Variants in GIMAP8 observed in about 807,000 individuals in gnomAD.
GIMAP8 encodes GTPase IMAP family member 8.
A neutral mutation model predicts 35.6 loss-of-function variants in GIMAP8; 29 were observed. The observed-to-expected ratio is 0.81, with a 90% CI of 0.61 to 1.11. GIMAP8 has a LOEUF of 1.11. Among genes scored for constraint, GIMAP8 ranks in the 50% most tolerant of loss-of-function variants. The pLI is 0.00. For synonymous variants in GIMAP8, 335 were observed against 308.7 expected, an observed-to-expected ratio of 1.09 and a Z score of -0.89; for missense variants, 811 against 805.0, an observed-to-expected ratio of 1.01 and a Z score of -0.09.
chr7:150,461,061 A>G (rs550185150), intron 1 of GIMAP8, among the ~76,000 whole-genome samples: 3 of 152,378 alleles, frequency 2.0e-5, no homozygotes, highest in Admixed American at 2.0e-4. Flanking sequence ...GCTCCACACA[A>G]TATCCCATAT....
At chr7:150,464,489 C>T (rs895569017) in intron 1 of GIMAP8, among the ~76,000 whole-genome samples, 2 of 152,078 alleles carry the variant, frequency 1.3e-5, no homozygotes, top group Non-Finnish European at 2.9e-5. Context: ...TGAGACCCAC[C>T]TGGGCAACAT....
chr7:150,466,897 C>T lies in GIMAP8; in HGVS notation c.199C>T (p.Pro67Ser), dbSNP rs370655027. Reference protein sequence around the residue: ...RERKVVVIDTPDLFSSIACAE... With the variant: ...RERKVVVIDTSDLFSSIACAE... ...AAGGAAGGTTGTGGTAATTGACACC[C>T]CTGACCTTTTCTCCTCAATAGCTTG... Residue 67 changes from proline to serine, a missense_variant, in exon 2 of 5, where the codon CCT becomes TCT. Coordinates refer to ENST00000307271, the MANE Select transcript of GIMAP8 (RefSeq NM_175571.4). 2 of 1,614,190 alleles carry T rather than the reference C, an allele frequency of 1.2e-6. No homozygotes were observed. The highest frequency in any genetic ancestry group is 2.2e-5 in the South Asian group (2 of 91,084).
rs1467017473 is a variant in GIMAP8, at chr7:150,478,411, C to G, written c.*631C>G. ...CATAGTCTTCCATTGCTGGCTGTCC[C>G]TGAGGAAACAGACATGAGTCTTGGA... On this transcript the variant is annotated 3_prime_UTR_variant, in exon 5 of 5. Transcript: ENST00000307271. 1 of 152,480 alleles carries G rather than the reference C, an allele frequency of 6.6e-6. No homozygotes were observed. Among genetic ancestry groups the G allele is most frequent in the Non-Finnish European group, 1.5e-5 (1 of 68,280 alleles). The allele number at this position is 152,480 out of a possible 1,614,324, so 9.4% of individuals were successfully genotyped here. A position where few individuals can be genotyped will look rare whatever the true frequency, so the allele number is the denominator to read the frequency against.
intron 3 of GIMAP8, 106 bp from the exon 4 acceptor site, chr7:150,473,906 G>A (rs1406812003): frequency 1.7e-6 from 2 of 1,177,784 alleles, no homozygotes; most frequent in Non-Finnish European, 2.4e-6. Context: ...TTACCGTGTT[G>A]TTGCCATTCT....
At chr7:150,461,376 C>T (rs774489047) in intron 1 of GIMAP8, among the ~76,000 whole-genome samples, 68 of 152,154 alleles carry the variant, frequency 4.5e-4, no homozygotes, top group Non-Finnish European at 3.8e-4. Context: ...TCTCTTTAGC[C>T]CTAATAATAT....
intron 2 of GIMAP8, among the ~76,000 whole-genome samples, chr7:150,469,555 T>A (rs1359730217): frequency 6.6e-6 from 1 of 152,226 alleles, no homozygotes; most frequent in South Asian, 2.1e-4. Context: ...TACAAAGTCG[T>A]TAACAAATGC....
intron 1 of GIMAP8, among the ~76,000 whole-genome samples, chr7:150,459,402 A>G (rs1348153277): frequency 6.6e-6 from 1 of 152,048 alleles, no homozygotes; most frequent in Non-Finnish European, 1.5e-5. Flanking sequence ...CTTTTTTTGG[A>G]ACTAAGACCT....
Position 150,477,194 on chromosome 7 carries a change from A to C in GIMAP8, c.1412A>C (p.Gln471Pro), listed in dbSNP as rs1400654019. The change falls in exon 5 of 5, where the codon CAG (glutamine) becomes CCG (proline). Residue 471 changes from glutamine to proline, a missense_variant. By Grantham distance (76) the Gln-to-Pro change is moderately conservative. Coordinates refer to ENST00000307271, the MANE Select transcript of GIMAP8 (RefSeq NM_175571.4). ...GTCTTCACCTCTCGGCTCCGGGCCC[A>C]GCCAGTCACCAAGACCAGCCAGAGT... Reference protein sequence around the residue: ...SLVFTSRLRAQPVTKTSQSGR... With the variant: ...SLVFTSRLRAPPVTKTSQSGR... 9 of 1,614,110 alleles carry C rather than the reference A, an allele frequency of 5.6e-6. No homozygotes were observed. The highest frequency in any genetic ancestry group is 1.7e-5 in the Admixed American group (1 of 60,010).
At position 150,466,854 on chromosome 7, in the gene GIMAP8, G is replaced by C. The variant is rs377094452; in HGVS notation, c.156G>C (p.Glu52Asp). The part of the protein sequence containing the change: ...DQTVIKMCQR[E>D]SWVLRERKVV... ...CAGTGATCAAAATGTGCCAGAGAGA[G>C]AGTTGGGTCCTGAGAGAAAGGAAGG... is the stretch of plus-strand genomic sequence containing the variant. The change falls in exon 2 of 5, where the codon GAG becomes GAC. Residue 52 changes from glutamate (E) to aspartate (D), a missense_variant. Glu to Asp is a conservative substitution (Grantham distance 45, BLOSUM62 2). Transcript: ENST00000307271. 45 of 1,614,246 alleles carry C rather than the reference G, an allele frequency of 2.8e-5. No individual in the cohort carries two copies. In the African/African-American group the frequency reaches 4.7e-4, roughly 17 times the overall value.
In GIMAP8 at chr7:150,466,889, T is replaced by C; in HGVS notation, c.191T>C (p.Ile64Thr). The C allele has an allele frequency of 1.2e-6, 2 of 1,614,232 alleles. No individual in the cohort carries two copies. Among genetic ancestry groups the C allele is most frequent in the South Asian group, 1.1e-5 (1 of 91,088 alleles). Residue 64 changes from isoleucine (I) to threonine (T), a missense_variant, in exon 2 of 5, where the codon ATT becomes ACT. By Grantham distance (89) the Ile-to-Thr change is moderately conservative. Coordinates refer to ENST00000307271, the MANE Select transcript of GIMAP8 (RefSeq NM_175571.4). ...WVLRERKVVV[I>T]DTPDLFSSIA... is the part of the protein sequence containing the mutation. ...CTGAGAGAAAGGAAGGTTGTGGTAA[T>C]TGACACCCCTGACCTTTTCTCCTCA... is the stretch of plus-strand genomic sequence containing the variant.
chr7:150,470,765 TTTTCAG>T, intron 2 of GIMAP8, 58 bp from the exon 3 acceptor site: 5 of 736,988 alleles, frequency 6.8e-6, no homozygotes, highest in Admixed American at 3.1e-5. Flanking sequence ...TTTTTTTTTT[TTTTCAG>T]TTTGTGGAAG....
chr7:150,457,685 A>G lies in GIMAP8; in HGVS notation c.-29+6510A>G, dbSNP rs1026808451. 2.6e-5 allele frequency among the ~76,000 whole-genome samples: 4 copies of G among 152,256 alleles called. No homozygotes were observed. The South Asian group carries it at 6.2e-4, about 24-fold the overall frequency. On this transcript the variant is annotated intron_variant, in intron 1 of 4. Coordinates refer to ENST00000307271, the MANE Select transcript of GIMAP8 (RefSeq NM_175571.4). ...AGAATATTAACTAAAAATTCACAGA[A>G]GGGCCAGTCCAAATAACCAACAAGC...
At chr7:150,471,542 T>TA (rs1333224949) in intron 3 of GIMAP8, among the ~76,000 whole-genome samples, 2 of 152,184 alleles carry the variant, frequency 1.3e-5, no homozygotes, top group African/African-American at 4.8e-5. Flanking sequence ...GTATTGCTAA[T>TA]AATTATAGCT....
intron 1 of GIMAP8, among the ~76,000 whole-genome samples, chr7:150,463,201 A>G (rs1113485): frequency 0.26 from 38,777 of 151,640 alleles, 6,078 homozygotes; most frequent in East Asian, 0.41. Context: ...TTTTTTTATA[A>G]TATCTATCTC....
At chr7:150,470,897 T>C in intron 3 of GIMAP8, 23 bp downstream of exon 3, 2 of 1,533,716 alleles carry the variant, frequency 1.3e-6, no homozygotes, top group Non-Finnish European at 1.8e-6. Context: ...TTAAGAAACA[T>C]TAAGCTCACA....
chr7:150,466,668 C>G lies in GIMAP8; in HGVS notation c.-28-3C>G, dbSNP rs762887213. The G allele has an allele frequency of 1.1e-5, 18 of 1,605,190 alleles. No homozygotes were observed. Among genetic ancestry groups the G allele is most frequent in the East Asian group, 2.2e-5 (1 of 44,788 alleles). ...ATTAATGTGTTGTTTTCTGTCCCAACAGAACAAGCGGGAGCCTGTGTCAGG... is the reference window on the plus strand; with the variant it reads ...ATTAATGTGTTGTTTTCTGTCCCAAGAGAACAAGCGGGAGCCTGTGTCAGG... On this transcript the variant is annotated splice_polypyrimidine_tract_variant and splice_region_variant and intron_variant, in intron 1 of 4. Coordinates refer to ENST00000307271, the MANE Select transcript of GIMAP8 (RefSeq NM_175571.4).
rs866501987 is a variant in GIMAP8 at position 150,477,400 on chromosome 7, G to A, written c.1618G>A (p.Glu540Lys). The A allele has an allele frequency of 1.9e-6, 3 of 1,614,210 alleles. No homozygotes were observed. In the Middle Eastern group the frequency reaches 4.9e-4, roughly 266 times the overall value. Residue 540 changes from glutamate to lysine, a missense_variant, in exon 5 of 5, where the codon GAG becomes AAG. Physicochemically the swap from Glu to Lys is moderately conservative, Grantham distance 56. Coordinates refer to ENST00000307271, the MANE Select transcript of GIMAP8 (RefSeq NM_175571.4). Reference sequence around the variant, plus strand: ...GTTCCAGCTGGGACGATTCACTGAAGAGGACAAAACAGCTGTGGCGAAACT... The same window carrying A: ...GTTCCAGCTGGGACGATTCACTGAAAAGGACAAAACAGCTGTGGCGAAACT... ...LVFQLGRFTE[E>K]DKTAVAKLEA... is the part of the protein sequence containing the mutation.
chr7:150,458,480 G>A (rs139914468), intron 1 of GIMAP8, among the ~76,000 whole-genome samples: 102 of 152,186 alleles, frequency 6.7e-4, no homozygotes, highest in African/African-American at 2.2e-3. Flanking sequence ...AAATCTTATC[G>A]CAAAACACCC....
rs1354948776 is a variant in GIMAP8, at chr7:150,453,935, G to A, written c.-29+2760G>A. Among the ~76,000 whole-genome samples the A allele has an allele frequency of 6.6e-5, 10 of 152,160 alleles. No individual in the cohort carries two copies. In the East Asian group the frequency reaches 1.7e-3, roughly 26 times the overall value. On this transcript the variant is annotated intron_variant, in intron 1 of 4. Transcript: ENST00000307271. ...CAGTGGCGGGTGCTAGGTATGGGGT[G>A]GGGGTGTCAGTGGGGCACAGAGGCA...
Sources: allele counts gnomAD v4.1 joint callset (sites outside exome capture counted in the v4.1 genomes callset), GRCh38; gene constraint gnomAD v4.1.1; transcripts MANE v1.5; gene names NCBI Gene and HGNC (gene_info 2026-07-23, HGNC 2026-07-21).